Variants in SV2B observed in about 807,000 individuals in gnomAD.
SV2B encodes synaptic vesicle glycoprotein 2B, also known as solute carrier family 22 member B2.
A neutral mutation model predicts 73.9 loss-of-function variants in SV2B; 41 were observed. That is an observed-to-expected ratio of 0.56 (90% CI 0.43 to 0.72). The LOEUF is 0.72. Ranked by LOEUF, SV2B falls within the 30% of genes least tolerant of loss-of-function variation. The probability of loss-of-function intolerance (pLI) is 0.00; values close to 1 mark genes in which losing one functional copy is unlikely to be tolerated. For missense variants in SV2B, 764 were observed against 857.8 expected (o/e 0.89, Z 1.37); for synonymous variants, 314 against 314.2 (o/e 1.00, Z 0.01).
chr15:91,261,882 C>T lies in SV2B; in HGVS notation c.1008+1473C>T, dbSNP rs2047920480. ...TTCCTGCCTGCCATGCTCTGACAAA[C>T]CAGGAGGCTATAGGCATCTTTGTGC... On this transcript the variant is annotated intron_variant, in intron 6 of 12. Coordinates refer to ENST00000394232, the MANE Select transcript of SV2B (RefSeq NM_001323032.3). This position sits in a 1 kb window ranked among gnomAD's most constrained non-coding sequence, Gnocchi z 4.7. Among the ~76,000 whole-genome samples the T allele has an allele frequency of 6.6e-6, 1 of 152,188 alleles. No individual in the cohort carries two copies. The highest frequency in any genetic ancestry group is 2.4e-5 in the African/African-American group (1 of 41,438).
intron 1 of SV2B, among the ~76,000 whole-genome samples, chr15:91,175,119 G>A (rs1047047720): frequency 6.6e-5 from 10 of 152,182 alleles, no homozygotes; most frequent in Admixed American, 3.3e-4. Flanking sequence ...CCAACAAAGT[G>A]TTTGTCAGAG....
Position 91,252,674 on chromosome 15 carries a change from A to G in SV2B, c.784+154A>G, listed in dbSNP as rs933902100. On this transcript the variant is annotated intron_variant, in intron 4 of 12. Coordinates refer to ENST00000394232, the MANE Select transcript of SV2B (RefSeq NM_001323032.3). This position sits in a 1 kb window ranked among gnomAD's most constrained non-coding sequence, Gnocchi z 4.6. ...TAACAACTTCTAACATTGCAGACAC[A>G]TTGTTAATTTCAATTCAATGTCTTT... is the stretch of plus-strand genomic sequence containing the variant. 6.6e-5 allele frequency among the ~76,000 whole-genome samples: 10 copies of G among 152,148 alleles called. No individual in the cohort carries two copies. Among genetic ancestry groups the G allele is most frequent in the Non-Finnish European group, 1.5e-4 (10 of 68,012 alleles).
In SV2B at chr15:91,295,673, T is replaced by G. The variant is rs903214806; in HGVS notation, c.*3121T>G. ...GGGAATGGGACAATGTGACAAATAC[T>G]CGCCATTCCCTGAGACCATTCATTG... On this transcript the variant is annotated 3_prime_UTR_variant, in exon 13 of 13. Transcript: ENST00000394232. 1 of 152,222 alleles carries G rather than the reference T, an allele frequency of 6.6e-6. No homozygotes were observed. The highest frequency in any genetic ancestry group is 1.5e-5 in the Non-Finnish European group (1 of 68,042). The allele number at this position is 152,222 out of a possible 1,614,324, so 9.4% of individuals were successfully genotyped here.
chr15:91,133,224 C>T (rs906259148), intron 1 of SV2B, among the ~76,000 whole-genome samples: 2 of 152,064 alleles, frequency 1.3e-5, no homozygotes, highest in African/African-American at 2.4e-5. Context: ...GACTGGGTCT[C>T]GGGGCTAATT....
chr15:91,171,493 T>C (rs2044120432), intron 1 of SV2B, among the ~76,000 whole-genome samples: 1 of 152,168 alleles, frequency 6.6e-6, no homozygotes, highest in African/African-American at 2.4e-5. Flanking sequence ...CCACACTCAG[T>C]GCAATAGACT....
chr15:91,122,223 T>G lies in SV2B; in HGVS notation c.-392+21860T>G, dbSNP rs2042360504. On this transcript the variant is annotated intron_variant, in intron 1 of 12. Transcript: ENST00000394232. This position sits in a 1 kb window ranked among gnomAD's most constrained non-coding sequence, Gnocchi z 4.3. ...ATTATCTCATCGATATATGTTCCAT[T>G]AAAGCCAGGGGTGTCGTAGATGCAG... Among the ~76,000 whole-genome samples the G allele has an allele frequency of 6.6e-6, 1 of 152,180 alleles. No homozygotes were observed. Among genetic ancestry groups the G allele is most frequent in the African/African-American group, 2.4e-5 (1 of 41,436 alleles).
chr15:91,275,061 T>A (rs879862495), intron 9 of SV2B, among the ~76,000 whole-genome samples: 1 of 152,152 alleles, frequency 6.6e-6, no homozygotes, highest in Non-Finnish European at 1.5e-5. Context: ...TAGTTAGGTC[T>A]TCCTTTCTCC....
chr15:91,185,437 T>C (rs959331504), intron 1 of SV2B, among the ~76,000 whole-genome samples: 3 of 152,232 alleles, frequency 2.0e-5, no homozygotes, highest in Admixed American at 6.5e-5. Flanking sequence ...TGTTATCTAC[T>C]TAATTTGTAA....
intron 1 of SV2B, among the ~76,000 whole-genome samples, chr15:91,157,618 G>A (rs1236100521): frequency 6.6e-6 from 1 of 152,204 alleles, no homozygotes; most frequent in Non-Finnish European, 1.5e-5. Flanking sequence ...ACAACACTGT[G>A]ATGCAGATGC....
At chr15:91,217,330 A>C (rs2046066899) in intron 1 of SV2B, among the ~76,000 whole-genome samples, 1 of 152,226 alleles carries the variant, frequency 6.6e-6, no homozygotes, top group African/African-American at 2.4e-5. Flanking sequence ...AGAAACACAT[A>C]AACAAAGAGA....
intron 10 of SV2B, among the ~76,000 whole-genome samples, chr15:91,282,745 G>A (rs1451286800): frequency 2.0e-5 from 3 of 152,174 alleles, no homozygotes; most frequent in East Asian, 1.9e-4. Flanking sequence ...AGCAGCAAGG[G>A]ATAGTTTATA....
intron 1 of SV2B, among the ~76,000 whole-genome samples, chr15:91,180,403 T>A (rs970827206): frequency 6.6e-6 from 1 of 151,946 alleles, no homozygotes; most frequent in Non-Finnish European, 1.5e-5. Context: ...AGTATCTTTG[T>A]GGCGTTCTCT....
chr15:91,273,500 G>A (rs2048383728), intron 9 of SV2B, among the ~76,000 whole-genome samples: 1 of 152,154 alleles, frequency 6.6e-6, no homozygotes, highest in Admixed American at 6.5e-5. Flanking sequence ...CTTTTCCCCT[G>A]TCAAACATGT....
chr15:91,165,228 C>T (rs1266202955), intron 1 of SV2B, among the ~76,000 whole-genome samples: 2 of 152,088 alleles, frequency 1.3e-5, no homozygotes, highest in African/African-American at 2.4e-5. Context: ...TCCCAGCTAC[C>T]TGGAAGGCTA....
upstream of SV2B, among the ~76,000 whole-genome samples, chr15:91,099,737 C>T (rs1005764513): frequency 6.6e-6 from 1 of 152,176 alleles, no homozygotes; most frequent in African/African-American, 2.4e-5. Context: ...ACAAAGCAGT[C>T]GAACAGCACC....
At chr15:91,222,618 G>T (rs747377081) in intron 1 of SV2B, among the ~76,000 whole-genome samples, 2 of 152,178 alleles carry the variant, frequency 1.3e-5, no homozygotes, top group East Asian at 1.9e-4. Context: ...GCGACTCTGC[G>T]TGTGACCTTG....
rs1383870384 is a variant in SV2B, at chr15:91,139,086, T to A, written c.-392+38723T>A. Among the ~76,000 whole-genome samples, 1 of 152,220 alleles carries A rather than the reference T, an allele frequency of 6.6e-6. No homozygotes were observed. Among genetic ancestry groups the A allele is most frequent in the Non-Finnish European group, 1.5e-5 (1 of 68,026 alleles). ...CTTTTTAGGTGTGATAATGGCATAC[T>A]GATTATTTCAAAATAGAGTCCTATT... On this transcript the variant is annotated intron_variant, in intron 1 of 12. Coordinates refer to ENST00000394232, the MANE Select transcript of SV2B (RefSeq NM_001323032.3). The surrounding 1 kb of genome is among the most constrained non-coding windows in gnomAD (Gnocchi z 5.2).
At chr15:91,114,068 C>T (rs1208014216) in intron 1 of SV2B, among the ~76,000 whole-genome samples, 2 of 151,782 alleles carry the variant, frequency 1.3e-5, no homozygotes, top group Non-Finnish European at 2.9e-5. Flanking sequence ...AAAGAGACCC[C>T]AGCTACTCGG....
At chr15:91,237,907 G>A (rs955882367) in intron 2 of SV2B, among the ~76,000 whole-genome samples, 1 of 152,092 alleles carries the variant, frequency 6.6e-6, no homozygotes, top group African/African-American at 2.4e-5. Flanking sequence ...GCTCTTATTT[G>A]GTCTTTAAAT....
Sources: gnomAD v4.1 joint callset for allele counts (sites outside exome capture counted in the v4.1 genomes callset) on GRCh38, gnomAD v4.1.1 for gene constraint, Gnocchi (gnomAD v3.1) non-coding constraint, MANE v1.5 for transcripts, NCBI Gene and HGNC (gene_info 2026-07-23, HGNC 2026-07-21) for gene names.